Variants in CNTN5 observed in about 807,000 individuals in gnomAD.
CNTN5 encodes contactin-5.
A neutral mutation model predicts 129.1 loss-of-function variants in CNTN5; 77 were observed. The ratio of observed to expected loss-of-function variants is 0.60; its 90% CI spans 0.50 to 0.72. The LOEUF is 0.72. CNTN5 is among the 30% of genes least tolerant of loss of function. The probability of loss-of-function intolerance (pLI) is 0.00; values close to 1 mark genes in which losing one functional copy is unlikely to be tolerated. For synonymous variants in CNTN5, 509 were observed against 465.6 expected (o/e 1.09, Z -1.20); for missense variants, 1,478 against 1,328.8 (o/e 1.11, Z -1.75).
At chr11:100,097,022 G>A (rs1024606775) in intron 13 of CNTN5, among the ~76,000 whole-genome samples, 10 of 152,050 alleles carry the variant, frequency 6.6e-5, no homozygotes, top group South Asian at 2.1e-4. Context: ...TTAAAACCAC[G>A]CTGTGTTATT....
intron 3 of CNTN5, among the ~76,000 whole-genome samples, chr11:99,709,239 T>C (rs1015167286): frequency 6.6e-6 from 1 of 151,850 alleles, no homozygotes; most frequent in Admixed American, 6.6e-5. Flanking sequence ...ATGTCTTTGT[T>C]TAAATGAACG....
At chr11:100,206,571 T>G (rs1463154621) in intron 15 of CNTN5, among the ~76,000 whole-genome samples, 1 of 152,180 alleles carries the variant, frequency 6.6e-6, no homozygotes, top group Non-Finnish European at 1.5e-5. Flanking sequence ...TGCTTGAAGC[T>G]TTCTGTGGTA....
chr11:99,931,720 T>G (rs1950196819), intron 7 of CNTN5, among the ~76,000 whole-genome samples: 1 of 152,196 alleles, frequency 6.6e-6, no homozygotes, highest in Admixed American at 6.5e-5. Context: ...CCAGTCAAAT[T>G]AGTATGTTAA....
chr11:100,182,936 G>C (rs962152642), intron 13 of CNTN5, among the ~76,000 whole-genome samples: 9 of 151,206 alleles, frequency 6.0e-5, no homozygotes, highest in Admixed American at 3.9e-4. Context: ...GAAATCTAAT[G>C]AATAAATTGA....
intron 1 of CNTN5, among the ~76,000 whole-genome samples, chr11:99,145,845 G>A (rs1859758453): frequency 6.6e-6 from 1 of 152,068 alleles, no homozygotes. Flanking sequence ...CAACCTACAA[G>A]AAGGACAGTA....
chr11:100,079,033 C>T (rs1184338208), intron 13 of CNTN5, among the ~76,000 whole-genome samples: 1 of 152,010 alleles, frequency 6.6e-6, no homozygotes, highest in Non-Finnish European at 1.5e-5. Flanking sequence ...GGAGAAGTGC[C>T]AAGGAAAGGG....
At chr11:99,861,778 C>T (rs754469875) in intron 6 of CNTN5, among the ~76,000 whole-genome samples, 1 of 152,118 alleles carries the variant, frequency 6.6e-6, no homozygotes, top group African/African-American at 2.4e-5. Flanking sequence ...GATTGTTGTA[C>T]TCACCTTAAA....
At chr11:100,256,056 G>T in intron 17 of CNTN5, 138 bp downstream of exon 17, 3 of 780,936 alleles carry the variant, frequency 3.8e-6, no homozygotes, top group Non-Finnish European at 2.0e-6. Context: ...ACAATTCTTT[G>T]CTTCTTTTTA....
intron 2 of CNTN5, among the ~76,000 whole-genome samples, chr11:99,484,786 A>G (rs530769366): frequency 6.6e-6 from 1 of 152,322 alleles, no homozygotes; most frequent in African/African-American, 2.4e-5. Context: ...CTGGAACAGA[A>G]AGTTAAACAC....
chr11:99,114,214 G>GT (rs140378865), intron 1 of CNTN5, among the ~76,000 whole-genome samples: 70,851 of 151,440 alleles, frequency 0.47, 16,709 homozygotes, highest in East Asian at 0.61. Flanking sequence ...CTGCAGTACT[G>GT]ATTTATTTTA....
chr11:99,430,737 G>A (rs745427389), intron 2 of CNTN5, among the ~76,000 whole-genome samples: 3 of 151,838 alleles, frequency 2.0e-5, no homozygotes, highest in Non-Finnish European at 4.4e-5. Context: ...AAAAGGTTGG[G>A]GGGGCGGGGA....
intron 7 of CNTN5, among the ~76,000 whole-genome samples, chr11:99,927,437 A>G (rs980348451): frequency 2.6e-5 from 4 of 152,210 alleles, no homozygotes. Context: ...CTATGAAGAA[A>G]TACCTGAGAC....
intron 3 of CNTN5, among the ~76,000 whole-genome samples, chr11:99,727,321 A>AAAAAAAAAAAAAAAAAAAAGAAAAAAAG (rs1319837016): frequency 1.6e-5 from 2 of 123,408 alleles, no homozygotes; most frequent in Non-Finnish European, 3.5e-5. Flanking sequence ...TCAAAAAAAA[A>AAAAAAAAAAAAAAAAAAAAGAAAAAAAG]AAAAAAAAAA....
At chr11:99,930,146 G>A (rs982682515) in intron 7 of CNTN5, among the ~76,000 whole-genome samples, 1 of 152,098 alleles carries the variant, frequency 6.6e-6, no homozygotes, top group Admixed American at 6.6e-5. Flanking sequence ...TGGTGGTTGA[G>A]GTTATCTGCG....
intron 2 of CNTN5, among the ~76,000 whole-genome samples, chr11:99,517,744 CCT>C (rs1410294487): frequency 6.6e-6 from 1 of 152,056 alleles, no homozygotes; most frequent in African/African-American, 2.4e-5. Flanking sequence ...TTCTCTGTCC[CCT>C]CTTACAAGTG....
At chr11:99,357,374 C>A (rs1565517639) in intron 2 of CNTN5, among the ~76,000 whole-genome samples, 2 of 152,180 alleles carry the variant, frequency 1.3e-5, no homozygotes, top group South Asian at 2.1e-4. Context: ...AGATTTTCTT[C>A]ATAACTGAAA....
intron 3 of CNTN5, among the ~76,000 whole-genome samples, chr11:99,767,037 T>C (rs115110212): frequency 9.7e-4 from 147 of 152,236 alleles, no homozygotes; most frequent in African/African-American, 3.5e-3. Flanking sequence ...CTCTTGACTA[T>C]TCTGCCAAAT....
At chr11:99,338,801 C>A (rs1866351660) in intron 2 of CNTN5, among the ~76,000 whole-genome samples, 1 of 151,028 alleles carries the variant, frequency 6.6e-6, no homozygotes, top group Admixed American at 6.6e-5. Context: ...ATTGTGTCAA[C>A]TTTAGTTATA....
chr11:99,629,784 T>A (rs1433854676), intron 3 of CNTN5, among the ~76,000 whole-genome samples: 1 of 151,914 alleles, frequency 6.6e-6, no homozygotes, highest in African/African-American at 2.4e-5. Context: ...CTTAGCATTT[T>A]GTATATATAA....
Sources: allele counts gnomAD v4.1 joint callset (sites outside exome capture counted in the v4.1 genomes callset), GRCh38; gene constraint gnomAD v4.1.1; transcripts MANE v1.5; gene names NCBI Gene and HGNC (gene_info 2026-07-23, HGNC 2026-07-21).